Variants in PTPRN2 observed in about 807,000 individuals in gnomAD.
PTPRN2 encodes the protein receptor-type tyrosine-protein phosphatase N2.
PTPRN2 carries 74 observed loss-of-function variants against 118.8 expected under a neutral mutation model. The observed-to-expected ratio is 0.62, with a 90% CI of 0.52 to 0.76. The LOEUF (loss-of-function observed/expected upper bound fraction) is 0.76. PTPRN2 is among the 30% of genes least tolerant of loss of function. The pLI is 0.00. For missense variants in PTPRN2, 1,481 were observed against 1,394.4 expected, an observed-to-expected ratio of 1.06 and a Z score of -0.99; for synonymous variants, 641 against 608.0, an observed-to-expected ratio of 1.05 and a Z score of -0.80.
intron 11 of PTPRN2, among the ~76,000 whole-genome samples, chr7:157,932,460 T>C (rs1188305172): frequency 6.6e-6 from 1 of 152,092 alleles, no homozygotes; most frequent in African/African-American, 2.4e-5. Flanking sequence ...ATTGACAGTT[T>C]CAGATTAGAG....
chr7:157,924,475 C>T (rs1798859700), intron 11 of PTPRN2, among the ~76,000 whole-genome samples: 1 of 152,216 alleles, frequency 6.6e-6, no homozygotes, highest in African/African-American at 2.4e-5. Flanking sequence ...CTGGACGCCT[C>T]CAAAGGCCCC....
chr7:157,998,830 A>AAC (rs1287018255), intron 11 of PTPRN2, among the ~76,000 whole-genome samples: 2 of 151,860 alleles, frequency 1.3e-5, no homozygotes, highest in African/African-American at 4.8e-5. Context: ...AAAAAAAAAA[A>AAC]AAAAAAACTC....
chr7:157,559,347 T>C (rs1197579823), intron 21 of PTPRN2, among the ~76,000 whole-genome samples: 1 of 152,046 alleles, frequency 6.6e-6, no homozygotes, highest in African/African-American at 2.4e-5. Context: ...GGGAGGTGCC[T>C]CCAGGACAAC....
chr7:158,205,234 T>G lies in PTPRN2; in HGVS notation c.317A>C (p.Asp106Ala). The G allele has an allele frequency of 1.2e-6, 2 of 1,614,148 alleles. No individual in the cohort carries two copies. The highest frequency in any genetic ancestry group is 2.2e-5 in the South Asian group (2 of 91,068). The change falls in exon 4 of 23, where the codon GAC (aspartate) becomes GCC (alanine). Residue 106 changes from aspartate (D) to alanine (A), a missense_variant. Asp to Ala is a moderately radical substitution (Grantham distance 126, BLOSUM62 -2). This residue lies in a region of PTPRN2 where 1,115 missense variants were observed against 994.2 expected (regional missense o/e 1.12). Coordinates refer to ENST00000389418, the MANE Select transcript of PTPRN2 (RefSeq NM_002847.5). ...TTTCGGGAGGTCTGCAAGTTCCTGGTCCATCACATACTGAGTATAGTCATC... is the reference window on the plus strand; with the variant it reads ...TTTCGGGAGGTCTGCAAGTTCCTGGGCCATCACATACTGAGTATAGTCATC... ...WQDDYTQYVM[D>A]QELADLPKTY...
intron 21 of PTPRN2, among the ~76,000 whole-genome samples, chr7:157,567,278 G>A (rs976424069): frequency 6.6e-6 from 1 of 152,220 alleles, no homozygotes; most frequent in Non-Finnish European, 1.5e-5. Flanking sequence ...TATTATGAGT[G>A]TTTGCATTTT....
chr7:158,297,194 C>A, intron 3 of PTPRN2, among the ~76,000 whole-genome samples: 1 of 152,208 alleles, frequency 6.6e-6, no homozygotes, highest in Non-Finnish European at 1.5e-5. Flanking sequence ...AAAAACTGAT[C>A]ATGTTTCCTA....
intron 2 of PTPRN2, among the ~76,000 whole-genome samples, chr7:158,374,459 A>T (rs967012216): frequency 6.6e-6 from 1 of 151,910 alleles, no homozygotes; most frequent in Non-Finnish European, 1.5e-5. Context: ...CAGAAACTCC[A>T]CTCCTGGACA....
intron 3 of PTPRN2, among the ~76,000 whole-genome samples, chr7:158,266,526 G>T (rs1276497378): frequency 6.6e-6 from 1 of 152,096 alleles, no homozygotes; most frequent in Non-Finnish European, 1.5e-5. Flanking sequence ...TGGGGACGGT[G>T]TCTGCTGCGG....
At chr7:157,897,994 A>G (rs1797231095) in intron 12 of PTPRN2, among the ~76,000 whole-genome samples, 2 of 152,282 alleles carry the variant, frequency 1.3e-5, no homozygotes, top group African/African-American at 4.8e-5. Flanking sequence ...CAGTTCATTA[A>G]GTTGTCATGT....
chr7:157,653,399 A>G (rs1354033936), intron 14 of PTPRN2, among the ~76,000 whole-genome samples: 1 of 152,090 alleles, frequency 6.6e-6, no homozygotes, highest in African/African-American at 2.4e-5. Flanking sequence ...CTGGATCACC[A>G]CGGAATTGGC....
chr7:157,719,279 A>T (rs1799105139), intron 12 of PTPRN2, among the ~76,000 whole-genome samples: 1 of 152,094 alleles, frequency 6.6e-6, no homozygotes, highest in Non-Finnish European at 1.5e-5. Flanking sequence ...GTTGTGCCTG[A>T]CTCACGTCTC....
intron 1 of PTPRN2, among the ~76,000 whole-genome samples, chr7:158,491,996 G>A (rs565946535): frequency 1.1e-3 from 169 of 152,284 alleles, no homozygotes; most frequent in Non-Finnish European, 2.1e-3. Context: ...CACAAAAGCA[G>A]TGACCTTGAA....
At chr7:158,512,395 C>A (rs868248474) in intron 1 of PTPRN2, among the ~76,000 whole-genome samples, 1 of 152,218 alleles carries the variant, frequency 6.6e-6, no homozygotes, top group Middle Eastern at 3.4e-3. Flanking sequence ...CAGGAGGCAG[C>A]GTCTGGAATA....
At chr7:158,494,074 G>T (rs957003893) in intron 1 of PTPRN2, among the ~76,000 whole-genome samples, 1 of 152,244 alleles carries the variant, frequency 6.6e-6, no homozygotes, top group Non-Finnish European at 1.5e-5. Context: ...AAGGAGTCAG[G>T]CTGGATCTGC....
Position 157,842,891 on chromosome 7 carries a change from G to A in PTPRN2, c.1788+55782C>T, listed in dbSNP as rs115893850. Among the ~76,000 whole-genome samples, 497 of 152,200 alleles carry A rather than the reference G, an allele frequency of 3.3e-3. 4 individuals are homozygous for A. Among genetic ancestry groups the A allele is most frequent in the African/African-American group, 0.011 (473 of 41,510 alleles). ...AGTAAATTAAATATATTAACAAGTC[G>A]GAGTAAAGGGTAGAGTGATTAGGAA... is the stretch of plus-strand genomic sequence containing the variant. On this transcript the variant is annotated intron_variant, in intron 12 of 22. Coordinates refer to ENST00000389418, the MANE Select transcript of PTPRN2 (RefSeq NM_002847.5).
intron 2 of PTPRN2, among the ~76,000 whole-genome samples, chr7:158,405,693 T>C (rs1813350415): frequency 6.6e-6 from 1 of 152,250 alleles, no homozygotes; most frequent in Non-Finnish European, 1.5e-5. Context: ...CAGTGAAACT[T>C]ATCTGTGTGT....
chr7:158,207,840 T>G (rs1827278393), intron 3 of PTPRN2, among the ~76,000 whole-genome samples: 1 of 152,162 alleles, frequency 6.6e-6, no homozygotes, highest in Non-Finnish European at 1.5e-5. Context: ...ATGTTACCTT[T>G]CAGACAAAGA....
At chr7:157,637,834 T>C (rs1804414376) in intron 14 of PTPRN2, among the ~76,000 whole-genome samples, 1 of 152,254 alleles carries the variant, frequency 6.6e-6, no homozygotes, top group South Asian at 2.1e-4. Flanking sequence ...CAGCATTCTC[T>C]ATTCTGTGCC....
chr7:157,811,943 A>G (rs1339717761), intron 12 of PTPRN2, among the ~76,000 whole-genome samples: 1 of 152,118 alleles, frequency 6.6e-6, no homozygotes, highest in Non-Finnish European at 1.5e-5. Context: ...TGATAGGGCG[A>G]TGGGGTCGCT....
Sources: allele counts gnomAD v4.1 joint callset (sites outside exome capture counted in the v4.1 genomes callset), GRCh38; gene constraint gnomAD v4.1.1; regional missense constraint gnomAD v4.1.1; transcripts MANE v1.5; gene names NCBI Gene and HGNC (gene_info 2026-07-23, HGNC 2026-07-21).